Variants in MTREX observed in about 807,000 individuals in gnomAD.
The protein encoded by MTREX is exosome RNA helicase MTR4.
Under a neutral mutation model 135.4 loss-of-function variants are expected in MTREX, and 76 were observed. The ratio of observed to expected loss-of-function variants is 0.56; its 90% CI spans 0.47 to 0.68. The LOEUF (loss-of-function observed/expected upper bound fraction) is 0.68, where lower values mean the gene tolerates loss of function less well. Among genes scored for constraint, MTREX ranks in the 30% least tolerant of loss-of-function variants. The probability of loss-of-function intolerance (pLI) is 0.00; values close to 1 mark genes in which losing one functional copy is unlikely to be tolerated. For synonymous variants in MTREX, 404 were observed against 401.6 expected, an observed-to-expected ratio of 1.01 and a Z score of -0.07; for missense variants, 920 against 1,262.1, an observed-to-expected ratio of 0.73 and a Z score of 4.11.
At chr5:55,386,213 T>G (rs1464315880) in intron 18 of MTREX, among the ~76,000 whole-genome samples, 1 of 152,212 alleles carries the variant, frequency 6.6e-6, no homozygotes, top group Admixed American at 6.5e-5. Flanking sequence ...CTTTGCATTC[T>G]ACAAGCTCGG....
chr5:55,320,095 C>T (rs777989400), intron 1 of MTREX, among the ~76,000 whole-genome samples: 15 of 152,010 alleles, frequency 9.9e-5, no homozygotes, highest in Non-Finnish European at 1.5e-4. Flanking sequence ...ATAGCTTTTT[C>T]GCAAAATTGG....
chr5:55,370,668 A>G (rs537894167), intron 16 of MTREX, among the ~76,000 whole-genome samples: 3 of 152,336 alleles, frequency 2.0e-5, no homozygotes, highest in East Asian at 3.9e-4. Context: ...AAAGAGAAAT[A>G]AGGGAATTGA....
chr5:55,322,168 T>G (rs559536383), intron 1 of MTREX, among the ~76,000 whole-genome samples, 159 bp from the exon 2 acceptor site: 1 of 152,320 alleles, frequency 6.6e-6, no homozygotes, highest in African/African-American at 2.4e-5. Flanking sequence ...TTACTAGTTA[T>G]AAAGTTAAGG....
intron 11 of MTREX, among the ~76,000 whole-genome samples, chr5:55,348,047 A>G (rs1158697505): frequency 6.6e-6 from 1 of 152,202 alleles, no homozygotes; most frequent in Non-Finnish European, 1.5e-5. Context: ...TGGGAACTAC[A>G]AGATGAGTTT....
intron 24 of MTREX, among the ~76,000 whole-genome samples, chr5:55,414,637 A>G (rs1456522625): frequency 1.3e-5 from 2 of 151,996 alleles, no homozygotes; most frequent in Non-Finnish European, 2.9e-5. Context: ...GGTTTATAAC[A>G]AAGTTTGGTT....
intron 3 of MTREX, 73 bp from the exon 4 acceptor site, chr5:55,327,643 A>G: frequency 8.6e-7 from 1 of 1,159,540 alleles, no homozygotes; most frequent in Non-Finnish European, 1.3e-6. Context: ...ACCATCATTC[A>G]TTATGGAATG....
intron 1 of MTREX, among the ~76,000 whole-genome samples, chr5:55,320,703 G>C (rs1022585188): frequency 6.6e-6 from 1 of 152,152 alleles, no homozygotes; most frequent in Non-Finnish European, 1.5e-5. Context: ...GTTTGGGACT[G>C]TTATGTAAGT....
intron 14 of MTREX, among the ~76,000 whole-genome samples, chr5:55,354,756 A>G (rs115156446): frequency 0.011 from 1,673 of 152,312 alleles, 11 homozygotes; most frequent in Non-Finnish European, 0.018. Context: ...CAGTCTGGCT[A>G]AGGCTGGGCC....
chr5:55,319,538 G>A (rs1749253265), intron 1 of MTREX, among the ~76,000 whole-genome samples: 1 of 152,152 alleles, frequency 6.6e-6, no homozygotes, highest in African/African-American at 2.4e-5. Context: ...TGGGCTTAAT[G>A]GCCAATTTGG....
chr5:55,322,582 ATTCT>A, intron 2 of MTREX, 118 bp downstream of exon 2: 3 of 695,638 alleles, frequency 4.3e-6, no homozygotes, highest in Admixed American at 6.1e-5. Context: ...AAATGAAGAT[ATTCT>A]TTCTATTTTT....
intron 16 of MTREX, among the ~76,000 whole-genome samples, chr5:55,367,424 T>G (rs1750122695): frequency 6.7e-6 from 1 of 150,204 alleles, no homozygotes; most frequent in Non-Finnish European, 1.5e-5. Context: ...AGGTGGAGGT[T>G]GCAGTGAGCC....
chr5:55,417,970 T>C (rs569235864), intron 25 of MTREX, among the ~76,000 whole-genome samples: 238 of 151,764 alleles, frequency 1.6e-3, no homozygotes, highest in Non-Finnish European at 2.6e-3. Flanking sequence ...CACGGTGGCT[T>C]ACGCCGGTAA....
chr5:55,423,052 C>A, intron 26 of MTREX, 70 bp downstream of exon 26: 1 of 1,163,130 alleles, frequency 8.6e-7, no homozygotes, highest in Non-Finnish European at 1.3e-6. Flanking sequence ...AGCCCTGGAC[C>A]ACAACCTAGG....
intron 3 of MTREX, 152 bp downstream of exon 3, chr5:55,324,350 G>T (rs1749336508): frequency 1.5e-5 from 3 of 202,664 alleles, no homozygotes; most frequent in Non-Finnish European, 1.9e-5. Flanking sequence ...TTGGGGCTTT[G>T]TAATTAAACT....
intron 15 of MTREX, among the ~76,000 whole-genome samples, chr5:55,366,006 A>AG (rs967599720): frequency 4.0e-5 from 6 of 151,690 alleles, no homozygotes; most frequent in Non-Finnish European, 8.8e-5. Flanking sequence ...AAAAAAAAAA[A>AG]CTTCTGAAGA....
chr5:55,417,768 A>G (rs1750988871), intron 25 of MTREX, among the ~76,000 whole-genome samples: 1 of 152,018 alleles, frequency 6.6e-6, no homozygotes, highest in Admixed American at 6.6e-5. Context: ...GGATGAAACT[A>G]GTAACTGTTC....
chr5:55,373,948 G>A (rs1307274706), intron 16 of MTREX, among the ~76,000 whole-genome samples: 1 of 152,026 alleles, frequency 6.6e-6, no homozygotes, highest in Non-Finnish European at 1.5e-5. Flanking sequence ...TTCTGTGTTA[G>A]TTACTGTTAT....
chr5:55,369,942 G>A (rs1029781628), intron 16 of MTREX, among the ~76,000 whole-genome samples: 7 of 145,806 alleles, frequency 4.8e-5, no homozygotes, highest in Non-Finnish European at 1.0e-4. Context: ...TTTTTGAGAC[G>A]GAGTTTCATC....
intron 15 of MTREX, among the ~76,000 whole-genome samples, chr5:55,364,356 C>T (rs553586082): frequency 6.6e-6 from 1 of 152,260 alleles, no homozygotes; most frequent in African/African-American, 2.4e-5. Context: ...TACAACATGT[C>T]CAGTACACTT....
Sources: gnomAD v4.1 joint callset for allele counts (sites outside exome capture counted in the v4.1 genomes callset) on GRCh38, gnomAD v4.1.1 for gene constraint, MANE v1.5 for transcripts, NCBI Gene and HGNC (gene_info 2026-07-23, HGNC 2026-07-21) for gene names.